The following GRIK3 variants were observed in gnomAD, a reference collection of about 807,000 sequenced individuals.
The protein encoded by GRIK3 is glutamate receptor ionotropic, kainate 3.
In GRIK3, 29 loss-of-function variants were observed where a neutral mutation model predicts 102.5. The observed-to-expected ratio is 0.28, with a 90% confidence interval of 0.21 to 0.39. The LOEUF (loss-of-function observed/expected upper bound fraction) is 0.39. GRIK3 is among the 10% of genes least tolerant of loss of function. The probability of loss-of-function intolerance (pLI) is 1.00; values close to 1 mark genes in which losing one functional copy is unlikely to be tolerated. For missense variants in GRIK3, 908 were observed against 1,252.4 expected (o/e 0.73, Z 4.15); for synonymous variants, 511 against 504.9 (o/e 1.01, Z -0.16).
intron 1 of GRIK3, among the ~76,000 whole-genome samples, chr1:36,951,876 A>C (rs1641848402): frequency 6.6e-6 from 1 of 152,134 alleles, no homozygotes; most frequent in African/African-American, 2.4e-5. Context: ...GGAGGACCAC[A>C]GGAGGCAGGG....
chr1:36,921,455 C>T (rs1040669241), intron 1 of GRIK3, among the ~76,000 whole-genome samples: 2 of 152,212 alleles, frequency 1.3e-5, no homozygotes, highest in Non-Finnish European at 2.9e-5. Flanking sequence ...ACCTTTAACA[C>T]TGCTTAACCT....
rs35781786 is a variant in GRIK3, at chr1:36,973,586, AT to A, written c.115+60407del. Among the ~76,000 whole-genome samples, 314 of 141,470 alleles carry A rather than the reference AT, an allele frequency of 2.2e-3. 1 individual carries two copies. In the East Asian group the frequency reaches 0.023, roughly 10 times the overall value. 92.8% of individuals were successfully genotyped at this position (141,470 alleles called of 152,430 possible). A position where few individuals can be genotyped will look rare whatever the true frequency, so the allele number is the denominator to read the frequency against. ...AGGCATGCGCCACCACGCCCGGCTA[AT>A]TTTTTTTTTTTTTGTATTTTTAATA... On this transcript the variant is annotated intron_variant, in intron 1 of 15. Coordinates refer to ENST00000373091, the MANE Select transcript of GRIK3 (RefSeq NM_000831.4).
At chr1:36,828,563 T>C (rs1416768005) in intron 10 of GRIK3, among the ~76,000 whole-genome samples, 2 of 152,192 alleles carry the variant, frequency 1.3e-5, no homozygotes, top group African/African-American at 4.8e-5. Flanking sequence ...ATCATCTAGG[T>C]GTGTGGAAGT....
chr1:36,803,010 G>A (rs144239361), intron 15 of GRIK3, among the ~76,000 whole-genome samples: 12 of 152,222 alleles, frequency 7.9e-5, no homozygotes, highest in African/African-American at 2.9e-4. Context: ...AGACGGATAA[G>A]GCCATAGCCC....
At chr1:36,925,315 C>T (rs1297255966) in intron 1 of GRIK3, among the ~76,000 whole-genome samples, 1 of 152,234 alleles carries the variant, frequency 6.6e-6, no homozygotes, top group Non-Finnish European at 1.5e-5. Context: ...CCCACAACAG[C>T]ATACTCCGTG....
chr1:36,952,267 GCCT>G (rs1388259608), intron 1 of GRIK3, among the ~76,000 whole-genome samples: 5 of 152,176 alleles, frequency 3.3e-5, no homozygotes, highest in Admixed American at 3.3e-4. Context: ...GTCCGTTAGG[GCCT>G]CCTCCTGACC....
chr1:36,977,189 G>T (rs146799934), intron 1 of GRIK3, among the ~76,000 whole-genome samples: 6 of 152,320 alleles, frequency 3.9e-5, no homozygotes, highest in African/African-American at 1.2e-4. Flanking sequence ...CATTTCTTTA[G>T]CTCTGAAATG....
chr1:36,927,093 G>A (rs750231317), intron 1 of GRIK3, among the ~76,000 whole-genome samples: 2 of 152,156 alleles, frequency 1.3e-5, no homozygotes, highest in Non-Finnish European at 2.9e-5. Context: ...TAAATTGAGC[G>A]TCAAAGAGCA....
At chr1:36,942,872 G>A (rs1353200534) in intron 1 of GRIK3, among the ~76,000 whole-genome samples, 1 of 152,150 alleles carries the variant, frequency 6.6e-6, no homozygotes, top group Non-Finnish European at 1.5e-5. Flanking sequence ...CTGGGGAAGT[G>A]GGGGACCACT....
In GRIK3 at chr1:37,008,445, C is replaced by A. The variant is rs554457536; in HGVS notation, c.115+25549G>T. On this transcript the variant is annotated intron_variant, in intron 1 of 15. Transcript: ENST00000373091. ...AACAAACGCCATGTGGGCACAGGGG[C>A]ATTCACTGTAAAAGTCTTTCAACTT... 1.5e-4 allele frequency among the ~76,000 whole-genome samples: 23 copies of A among 152,366 alleles called. No individual in the cohort carries two copies. In the South Asian group the frequency reaches 4.6e-3, roughly 30 times the overall value.
intron 1 of GRIK3, among the ~76,000 whole-genome samples, chr1:37,006,782 C>T (rs1230090777): frequency 1.3e-5 from 2 of 152,212 alleles, no homozygotes; most frequent in African/African-American, 2.4e-5. Context: ...GCGATGGATC[C>T]TGGAGGGGCT....
At chr1:36,949,794 G>T (rs567436815) in intron 1 of GRIK3, among the ~76,000 whole-genome samples, 2 of 152,044 alleles carry the variant, frequency 1.3e-5, no homozygotes, top group East Asian at 3.9e-4. Context: ...GGCCAGGATG[G>T]TTTCGAACTT....
intron 13 of GRIK3, among the ~76,000 whole-genome samples, chr1:36,813,781 T>A (rs1380897667): frequency 2.9e-5 from 4 of 138,258 alleles, no homozygotes; most frequent in Non-Finnish European, 6.3e-5. Context: ...TTCTAGCTCA[T>A]CATCTGAGGT....
intron 13 of GRIK3, among the ~76,000 whole-genome samples, chr1:36,813,779 C>T (rs1272778166): frequency 6.8e-6 from 1 of 147,976 alleles, no homozygotes; most frequent in African/African-American, 2.5e-5. Context: ...GCTTCTAGCT[C>T]ATCATCTGAG....
At chr1:36,883,499 T>G (rs1227123315) in intron 2 of GRIK3, among the ~76,000 whole-genome samples, 1 of 152,220 alleles carries the variant, frequency 6.6e-6, no homozygotes, top group Non-Finnish European at 1.5e-5. Context: ...GTGCACCTCC[T>G]GCAAGTATGG....
chr1:37,021,345 C>A (rs892368281), intron 1 of GRIK3, among the ~76,000 whole-genome samples: 3 of 152,076 alleles, frequency 2.0e-5, no homozygotes, highest in African/African-American at 7.2e-5. Flanking sequence ...ATTTGGGGTG[C>A]CTCCATTTGT....
intron 1 of GRIK3, among the ~76,000 whole-genome samples, chr1:36,923,245 C>T (rs547764238): frequency 6.6e-6 from 1 of 152,328 alleles, no homozygotes; most frequent in South Asian, 2.1e-4. Context: ...TGGAATATGG[C>T]TGTGTCTTTG....
At chr1:36,821,028 A>G (rs958067899) in intron 11 of GRIK3, among the ~76,000 whole-genome samples, 2 of 152,164 alleles carry the variant, frequency 1.3e-5, no homozygotes, top group African/African-American at 2.4e-5. Flanking sequence ...TGCTGAGAGG[A>G]CACATCTGGA....
At chr1:36,975,171 A>G (rs1489861867) in intron 1 of GRIK3, among the ~76,000 whole-genome samples, 1 of 152,216 alleles carries the variant, frequency 6.6e-6, no homozygotes, top group African/African-American at 2.4e-5. Flanking sequence ...TATAGGTATC[A>G]CAATAAAACA....
Sources: allele counts gnomAD v4.1 joint callset (sites outside exome capture counted in the v4.1 genomes callset), GRCh38; gene constraint gnomAD v4.1.1; transcripts MANE v1.5; gene names NCBI Gene and HGNC (gene_info 2026-07-23, HGNC 2026-07-21).